The following SLC5A6 variants were observed in gnomAD, a reference collection of about 807,000 sequenced individuals.
SLC5A6 encodes the protein solute carrier family 5 member 6.
A neutral mutation model predicts 67.9 loss-of-function variants in SLC5A6; 31 were observed. That is an observed-to-expected ratio of 0.46 (90% CI 0.34 to 0.62). The LOEUF is 0.62. SLC5A6 is among the 20% of genes least tolerant of loss of function. The pLI is 0.01. For synonymous variants in SLC5A6, 343 were observed against 331.0 expected, an observed-to-expected ratio of 1.04 and a Z score of -0.39; for missense variants, 673 against 812.8, an observed-to-expected ratio of 0.83 and a Z score of 2.09.
intron 4 of SLC5A6, 126 bp from the exon 5 acceptor site, chr2:27,206,660 T>C: frequency 9.9e-7 from 1 of 1,008,998 alleles, no homozygotes; most frequent in Admixed American, 1.8e-5. Context: ...CTCTTCCTTC[T>C]CCTCTCAAAT....
Position 27,201,413 on chromosome 2 carries a change from A to G in SLC5A6, c.1585T>C (p.Trp529Arg), listed in dbSNP as rs2147989149. ...GTGGTGGAGTTGTGAGCACTGTACC[A>G]TAAGTAAGACAAGGAATAGAACCGC... ...LQRFYSLSYL[W>R]YSAHNSTTVI... The change falls in exon 15 of 17, where the codon TGG becomes CGG. Residue 529 changes from tryptophan (W) to arginine (R), a missense_variant. Coordinates refer to ENST00000310574, the MANE Select transcript of SLC5A6 (RefSeq NM_021095.4). 8 of 1,613,640 alleles carry G rather than the reference A, an allele frequency of 5.0e-6. No homozygotes were observed. The highest frequency in any genetic ancestry group is 6.8e-6 in the Non-Finnish European group (8 of 1,179,572).
At position 27,205,301 on chromosome 2, in the gene SLC5A6, T is replaced by G. The variant is rs200177938; in HGVS notation, c.734+49A>C. On this transcript the variant is annotated intron_variant, in intron 7 of 16. Transcript: ENST00000310574. Reference sequence around the variant, plus strand: ...GCCAAGACCAGCCTCTAGGATGGGCTCAGCGCCCAGGCACTGCAGACCCCA... The same window carrying G: ...GCCAAGACCAGCCTCTAGGATGGGCGCAGCGCCCAGGCACTGCAGACCCCA... 59 of 1,577,406 alleles carry G rather than the reference T, an allele frequency of 3.7e-5. No homozygotes were observed. In the East Asian group the frequency reaches 1.3e-3, roughly 35 times the overall value.
chr2:27,201,323 A>G (rs758598811), intron 15 of SLC5A6, 27 bp downstream of exon 15: 10 of 1,470,930 alleles, frequency 6.8e-6, no homozygotes, highest in Middle Eastern at 3.5e-4. Context: ...CTCGGTGCTC[A>G]TCTGCACCGC....
rs1234761550 is a variant in SLC5A6 at position 27,207,334 on chromosome 2, T to C, written c.317A>G (p.Tyr106Cys). ...TGCAGGTATCAGCAGCCCCAGAAAGTAGCAGCAGCCCAGGAACCAATATTG... is the reference window on the plus strand; with the variant it reads ...TGCAGGTATCAGCAGCCCCAGAAAGCAGCAGCAGCCCAGGAACCAATATTG... The part of the protein sequence containing the change: ...GTQYWFLGCC[Y>C]FLGLLIPAHI... Residue 106 changes from tyrosine (Y) to cysteine (C), a missense_variant, in exon 3 of 17, where the codon TAC becomes TGC. Tyr to Cys is a radical substitution (Grantham distance 194, BLOSUM62 -2). Coordinates refer to ENST00000310574, the MANE Select transcript of SLC5A6 (RefSeq NM_021095.4). This position sits in a 1 kb window ranked among gnomAD's most constrained non-coding sequence, Gnocchi z 5.5. 2 of 1,614,114 alleles carry C rather than the reference T, an allele frequency of 1.2e-6. No individual in the cohort carries two copies. The highest frequency in any genetic ancestry group is 2.2e-5 in the East Asian group (1 of 44,886).
upstream of SLC5A6, chr2:27,212,624 C>T (rs1251011684): frequency 1.4e-6 from 2 of 1,416,444 alleles, no homozygotes; most frequent in Non-Finnish European, 9.2e-7. Context: ...TTCCCAAGTA[C>T]TCACGTCGTG....
intron 2 of SLC5A6, among the ~76,000 whole-genome samples, chr2:27,210,328 T>G (rs539051796): frequency 6.6e-6 from 1 of 152,312 alleles, no homozygotes; most frequent in African/African-American, 2.4e-5. Flanking sequence ...CCAAACGCTA[T>G]GGTCTCGCAT....
rs1673902225 is a variant in SLC5A6 at position 27,204,513 on chromosome 2, T to C, written c.953A>G (p.Tyr318Cys). ...AATGCTCATGGGATACTCCTGGTAA[T>C]ACGCGAACATGACCAGGCCAATGAG... is the stretch of plus-strand genomic sequence containing the variant. ...GCLIGLVMFA[Y>C]YQEYPMSIQQ... Residue 318 changes from tyrosine to cysteine, a missense_variant, in exon 9 of 17, where the codon TAT (tyrosine) becomes TGT (cysteine). Tyr to Cys is a radical substitution (Grantham distance 194). Coordinates refer to ENST00000310574, the MANE Select transcript of SLC5A6 (RefSeq NM_021095.4). 3.1e-6 allele frequency: 5 copies of C among 1,613,986 alleles called. No homozygotes were observed. Among genetic ancestry groups the C allele is most frequent in the Non-Finnish European group, 4.2e-6 (5 of 1,179,948 alleles).
intron 5 of SLC5A6, 53 bp from the exon 6 acceptor site, chr2:27,206,146 G>A (rs1674046733): frequency 6.6e-7 from 1 of 1,506,988 alleles, no homozygotes; most frequent in Admixed American, 1.7e-5. Context: ...CCCCAGGGGA[G>A]AAGCCCTGGT....
intron 9 of SLC5A6, 150 bp downstream of exon 9, chr2:27,204,311 T>TA: frequency 1.2e-6 from 1 of 867,198 alleles, no homozygotes; most frequent in South Asian, 1.8e-5. Flanking sequence ...CCTCACATGC[T>TA]AGATTCCTAG....
intron 10 of SLC5A6, among the ~76,000 whole-genome samples, chr2:27,203,558 A>G (rs1328641530): frequency 6.6e-6 from 1 of 152,096 alleles, no homozygotes; most frequent in Non-Finnish European, 1.5e-5. Context: ...CGAGTAGATC[A>G]ATTTCTGGTA....
chr2:27,200,786 A>G (rs1673564627), intron 16 of SLC5A6, among the ~76,000 whole-genome samples: 1 of 152,174 alleles, frequency 6.6e-6, no homozygotes. Context: ...GCTGGGGCTG[A>G]GCTCCTCTGA....
upstream of SLC5A6, chr2:27,212,736 C>T (rs1674636641): frequency 1.1e-5 from 11 of 1,041,146 alleles, no homozygotes; most frequent in Admixed American, 1.1e-4. Context: ...ACAGACGGGT[C>T]CTCTGCCTCT....
At chr2:27,206,736 G>C in intron 4 of SLC5A6, 141 bp downstream of exon 4, 2 of 875,018 alleles carry the variant, frequency 2.3e-6, no homozygotes, top group Non-Finnish European at 3.9e-6. Flanking sequence ...GATGCCTCTG[G>C]GGTCCTCACA....
intron 11 of SLC5A6, 49 bp downstream of exon 11, chr2:27,203,184 T>A: frequency 6.2e-7 from 1 of 1,611,044 alleles, no homozygotes; most frequent in Non-Finnish European, 8.5e-7. Flanking sequence ...ATGGTCAGGA[T>A]GAAGCTTAGA....
rs932126810 is a variant in SLC5A6, at chr2:27,212,042, A to C, written c.-230T>G. On this transcript the variant is annotated 5_prime_UTR_variant, in exon 1 of 17. Coordinates refer to ENST00000310574, the MANE Select transcript of SLC5A6 (RefSeq NM_021095.4). ...TACTGAGGGCGGATGGAGGGGCCCG[A>C]GTTTCTGCGAAGCCGCGACCTCGGC... 2.2e-6 allele frequency: 2 copies of C among 903,966 alleles called. No individual in the cohort carries two copies. Among genetic ancestry groups the C allele is most frequent in the African/African-American group, 3.6e-5 (2 of 55,318 alleles). The allele number at this position is 903,966 out of a possible 1,614,324, so 56.0% of individuals were successfully genotyped here.
chr2:27,203,431 C>T (rs113320429), intron 10 of SLC5A6, 86 bp from the exon 11 acceptor site: 7 of 1,196,956 alleles, frequency 5.8e-6, no homozygotes, highest in South Asian at 2.7e-5. Flanking sequence ...TGTCCTAAAG[C>T]GGGGAGATGA....
At position 27,207,827 on chromosome 2, in the gene SLC5A6, C is replaced by T. The variant is rs1674186845; in HGVS notation, c.-140-37G>A. 8.0e-6 allele frequency: 5 copies of T among 627,280 alleles called. No individual in the cohort carries two copies. The highest frequency in any genetic ancestry group is 2.0e-5 in the South Asian group (1 of 50,266). The allele number at this position is 627,280 out of a possible 1,614,324, so 38.9% of individuals were successfully genotyped here. A position where few individuals can be genotyped will look rare whatever the true frequency, so the allele number is the denominator to read the frequency against. ...TTAGCTCTTAGTGAGGCCTATCTGG[C>T]CTTGGTAGCCATTCACCCTTGGGCC... On this transcript the variant is annotated intron_variant, in intron 2 of 16. Transcript: ENST00000310574. The surrounding 1 kb of genome is among the most constrained non-coding windows in gnomAD (Gnocchi z 5.5).
chr2:27,207,265 G>A lies in SLC5A6; in HGVS notation c.386C>T (p.Ala129Val). The A allele has an allele frequency of 6.2e-7, 1 of 1,613,818 alleles. No individual in the cohort carries two copies. The highest frequency in any genetic ancestry group is 8.5e-7 in the Non-Finnish European group (1 of 1,179,982). The change falls in exon 3 of 17, where the codon GCC becomes GTC. Residue 129 changes from alanine to valine, a missense_variant. Ala to Val is a moderately conservative substitution (Grantham distance 64). Coordinates refer to ENST00000310574, the MANE Select transcript of SLC5A6 (RefSeq NM_021095.4). The surrounding 1 kb of genome is among the most constrained non-coding windows in gnomAD (Gnocchi z 5.5). The stretch of plus-strand genomic sequence containing the variant: ...CCTTCTGTCCCTGCTCACCTCATAG[G>A]CACTGGTGAGATGCAGGCGGTAGAA... ...PVFYRLHLTS[A>V]YEYLELRFNK...
chr2:27,201,587 C>T, intron 14 of SLC5A6, 79 bp downstream of exon 14: 1 of 1,470,732 alleles, frequency 6.8e-7, no homozygotes, highest in East Asian at 2.3e-5. Flanking sequence ...CTCTGGTGGC[C>T]CATCCCTTAG....
Sources: gnomAD v4.1 joint callset for allele counts (sites outside exome capture counted in the v4.1 genomes callset) on GRCh38, gnomAD v4.1.1 for gene constraint, Gnocchi (gnomAD v3.1) non-coding constraint, MANE v1.5 for transcripts, NCBI Gene and HGNC (gene_info 2026-07-23, HGNC 2026-07-21) for gene names.